RASGRF2: variants seen among roughly 807,000 people sequenced by gnomAD.
RASGRF2 encodes Ras protein specific guanine nucleotide releasing factor 2, also known as ras-specific guanine nucleotide-releasing factor 2.
A neutral mutation model predicts 151.0 loss-of-function variants in RASGRF2; 76 were observed. The observed-to-expected ratio is 0.50, with a 90% CI of 0.42 to 0.61. The LOEUF (loss-of-function observed/expected upper bound fraction) is 0.61. Ranked by LOEUF, RASGRF2 falls within the 20% of genes least tolerant of loss-of-function variation. The pLI is 0.00. For synonymous variants in RASGRF2, 504 were observed against 566.5 expected, an observed-to-expected ratio of 0.89 and a Z score of 1.57; for missense variants, 1,148 against 1,564.6, an observed-to-expected ratio of 0.73 and a Z score of 4.49.
At chr5:81,210,695 T>A (rs1755611056) in intron 22 of RASGRF2, among the ~76,000 whole-genome samples, 1 of 152,176 alleles carries the variant, frequency 6.6e-6, no homozygotes, top group African/African-American at 2.4e-5. Flanking sequence ...GGCTTCCCCT[T>A]ACCTTAGGGA....
At chr5:81,086,729 C>G (rs979817025) in intron 8 of RASGRF2, 106 bp from the exon 9 acceptor site, 4 of 892,108 alleles carry the variant, frequency 4.5e-6, no homozygotes, top group East Asian at 2.5e-5. Flanking sequence ...CCGGTTCAAT[C>G]GATACAAGCT....
Position 80,960,778 on chromosome 5 carries a change from T to C in RASGRF2, c.40T>C (p.Tyr14His), listed in dbSNP as rs1459247328. Residue 14 changes from tyrosine (Y) to histidine (H), a missense_variant, in exon 1 of 27, where the codon TAC (tyrosine) becomes CAC (histidine). Physicochemically the swap from Tyr to His is moderately conservative, Grantham distance 83 (BLOSUM62 2). This residue lies in a region of RASGRF2 where 221 missense variants were observed against 271.3 expected (regional missense o/e 0.81). Transcript: ENST00000265080. The surrounding 1 kb of genome is among the most constrained non-coding windows in gnomAD (Gnocchi z 5.5). ...SVRYNEGHAL[Y>H]LAFLARKEGT... ...GCGCTACAACGAGGGGCACGCCCTGTACCTGGCCTTTCTGGCGCGCAAGGA... is the reference window on the plus strand; with the variant it reads ...GCGCTACAACGAGGGGCACGCCCTGCACCTGGCCTTTCTGGCGCGCAAGGA... 2.5e-6 allele frequency: 4 copies of C among 1,612,166 alleles called. No homozygotes were observed. The South Asian group carries it at 4.4e-5, about 18-fold the overall frequency.
rs1358406758 is a variant in RASGRF2 at position 81,112,785 on chromosome 5, T to A, written c.2014T>A (p.Phe672Ile). The A allele has an allele frequency of 6.2e-7, 1 of 1,614,116 alleles. No individual in the cohort carries two copies. The highest frequency in any genetic ancestry group is 8.5e-7 in the Non-Finnish European group (1 of 1,180,050). The part of the protein sequence containing the change: ...LNTFLHTYRI[F>I]TTAAVVLGKL... ...CACCTTTCTGCACACCTATCGTATTTTCACTACTGCCGCTGTGGTGCTGGG... is the reference window on the plus strand; with the variant it reads ...CACCTTTCTGCACACCTATCGTATTATCACTACTGCCGCTGTGGTGCTGGG... The change falls in exon 14 of 27, where the codon TTC becomes ATC. Residue 672 changes from phenylalanine (F) to isoleucine (I), a missense_variant. This residue lies in a region of RASGRF2 where 646 missense variants were observed against 807.4 expected (regional missense o/e 0.80). Transcript: ENST00000265080.
At chr5:81,056,390 G>A (rs1751212548) in intron 2 of RASGRF2, among the ~76,000 whole-genome samples, 1 of 152,180 alleles carries the variant, frequency 6.6e-6, no homozygotes, top group Non-Finnish European at 1.5e-5. Context: ...TATGTACCCA[G>A]TAGTCATTCA....
At position 81,073,377 on chromosome 5, in the gene RASGRF2, G is replaced by A. The variant is rs371849304; in HGVS notation, c.812G>A (p.Arg271Gln). 50 of 1,613,982 alleles carry A rather than the reference G, an allele frequency of 3.1e-5. No homozygotes were observed. The highest frequency in any genetic ancestry group is 8.0e-5 in the African/African-American group (6 of 74,876). Residue 271 changes from arginine to glutamine, a missense_variant, in exon 5 of 27, where the codon CGG (arginine) becomes CAG (glutamine). Arg to Gln is a conservative substitution (Grantham distance 43, BLOSUM62 1). Transcript: ENST00000265080. ...TACATCCTGGTCAATGGCTTTCTCCGGCCCCTGCGTATGGCCGCCAGCTCC... is the reference window on the plus strand; with the variant it reads ...TACATCCTGGTCAATGGCTTTCTCCAGCCCCTGCGTATGGCCGCCAGCTCC... Reference protein sequence around the residue: ...QLYILVNGFLRPLRMAASSKK... With the variant: ...QLYILVNGFLQPLRMAASSKK...
At chr5:81,001,673 C>T (rs1178487715) in intron 1 of RASGRF2, among the ~76,000 whole-genome samples, 1 of 152,162 alleles carries the variant, frequency 6.6e-6, no homozygotes, top group Non-Finnish European at 1.5e-5. Context: ...TACTGTTCTC[C>T]TCTTGTGAAA....
chr5:81,004,231 G>A (rs184466664), intron 1 of RASGRF2, among the ~76,000 whole-genome samples: 4 of 152,342 alleles, frequency 2.6e-5, no homozygotes, highest in Admixed American at 1.3e-4. Context: ...GCTGCTAAAC[G>A]GTAAGCACAA....
chr5:81,008,720 C>A (rs78163526), intron 1 of RASGRF2, among the ~76,000 whole-genome samples: 4,206 of 152,174 alleles, frequency 0.028, 191 homozygotes, highest in African/African-American at 0.095. Context: ...TTTTGTAGCA[C>A]CTCCTGTCTC....
intron 16 of RASGRF2, among the ~76,000 whole-genome samples, chr5:81,125,811 C>T (rs1487243391): frequency 6.6e-6 from 1 of 152,090 alleles, no homozygotes; most frequent in African/African-American, 2.4e-5. Context: ...TTGTTTCTTC[C>T]CTGATATAAC....
chr5:81,215,839 T>G, intron 23 of RASGRF2, 37 bp from the exon 24 acceptor site: 1 of 1,487,326 alleles, frequency 6.7e-7, no homozygotes, highest in Non-Finnish European at 8.9e-7. Context: ...TAAACCATAG[T>G]ATTTTCATCA....
intron 17 of RASGRF2, among the ~76,000 whole-genome samples, chr5:81,170,215 A>G (rs1221313168): frequency 1.3e-5 from 2 of 152,178 alleles, no homozygotes; most frequent in African/African-American, 4.8e-5. Flanking sequence ...CACCTGTATC[A>G]CCTGCACCAC....
chr5:81,070,746 G>T (rs1415637758), intron 4 of RASGRF2, among the ~76,000 whole-genome samples, 165 bp downstream of exon 4: 14 of 152,034 alleles, frequency 9.2e-5, no homozygotes, highest in Admixed American at 9.2e-4. Context: ...CTACTCTAGA[G>T]AATTTCTGCT....
At chr5:81,214,351 C>T (rs894152831) in intron 23 of RASGRF2, among the ~76,000 whole-genome samples, 31 of 152,314 alleles carry the variant, frequency 2.0e-4, no homozygotes, top group African/African-American at 6.7e-4. Context: ...TAGAGCCAAG[C>T]GCCTTACTCC....
intron 10 of RASGRF2, 132 bp from the exon 11 acceptor site, chr5:81,094,164 A>T (rs966057671): frequency 1.8e-5 from 12 of 658,964 alleles, no homozygotes; most frequent in Admixed American, 9.7e-5. Flanking sequence ...TTTGGGCTCT[A>T]TGAAAAATTA....
At chr5:81,208,260 G>T in intron 21 of RASGRF2, 94 bp from the exon 22 acceptor site, 1 of 1,076,900 alleles carries the variant, frequency 9.3e-7, no homozygotes, top group Non-Finnish European at 1.4e-6. Flanking sequence ...CATGTCAAAT[G>T]GAATTTTTCT....
At chr5:81,070,235 G>T in intron 3 of RASGRF2, 2 of 373,716 alleles carry the variant, frequency 5.4e-6, no homozygotes, top group Non-Finnish European at 5.1e-6. Flanking sequence ...GCTGAGTTTT[G>T]GGCCAACATT....
intron 12 of RASGRF2, among the ~76,000 whole-genome samples, chr5:81,101,080 C>G (rs1752686707): frequency 6.6e-6 from 1 of 152,190 alleles, no homozygotes; most frequent in African/African-American, 2.4e-5. Flanking sequence ...CCGTTACAAA[C>G]TGAACTAGAC....
intron 15 of RASGRF2, among the ~76,000 whole-genome samples, chr5:81,118,825 C>G (rs1057317548): frequency 2.0e-5 from 3 of 151,708 alleles, no homozygotes; most frequent in Admixed American, 6.5e-5. Context: ...GTTCATTACT[C>G]TGAAGTTCTA....
At chr5:81,157,653 G>C (rs1754292725) in intron 17 of RASGRF2, among the ~76,000 whole-genome samples, 1 of 152,168 alleles carries the variant, frequency 6.6e-6, no homozygotes, top group African/African-American at 2.4e-5. Flanking sequence ...TTGACTCACA[G>C]TTCCACATGA....
Sources: allele counts gnomAD v4.1 joint callset (sites outside exome capture counted in the v4.1 genomes callset), GRCh38; gene constraint gnomAD v4.1.1; regional missense constraint gnomAD v4.1.1; non-coding constraint Gnocchi (gnomAD v3.1); transcripts MANE v1.5; gene names NCBI Gene and HGNC (gene_info 2026-07-23, HGNC 2026-07-21).